The following SIL1 variants were observed in gnomAD, a reference collection of about 807,000 sequenced individuals.
SIL1 encodes nucleotide exchange factor SIL1.
SIL1 carries 40 observed loss-of-function variants against 49.1 expected under a neutral mutation model. The ratio of observed to expected loss-of-function variants is 0.81; its 90% CI spans 0.63 to 1.06. The LOEUF is 1.06. Among genes scored for constraint, SIL1 ranks in the 50% least tolerant of loss-of-function variants. SIL1 has a pLI of 0.00. For missense variants in SIL1, 500 were observed against 572.6 expected (o/e 0.87, Z 1.29); for synonymous variants, 253 against 250.8 (o/e 1.01, Z -0.08).
intron 3 of SIL1, among the ~76,000 whole-genome samples, chr5:139,060,612 T>C (rs557822767): frequency 1.7e-3 from 265 of 152,228 alleles, no homozygotes; most frequent in African/African-American, 6.2e-3. Context: ...CCTAGGACAT[T>C]TGAGAATTAT....
intron 7 of SIL1, among the ~76,000 whole-genome samples, chr5:138,979,712 G>A (rs1767474799): frequency 6.6e-6 from 1 of 152,184 alleles, no homozygotes; most frequent in Non-Finnish European, 1.5e-5. Flanking sequence ...AGGGCCAGAG[G>A]AGATGAGTGT....
intron 2 of SIL1, 132 bp downstream of exon 2, chr5:139,127,607 C>T: frequency 1.4e-6 from 1 of 726,212 alleles, no homozygotes; most frequent in South Asian, 1.5e-5. Context: ...ACTCCATGAT[C>T]CACTGCCAGC....
chr5:139,123,034 T>C (rs1369293538), intron 2 of SIL1, among the ~76,000 whole-genome samples: 1 of 152,206 alleles, frequency 6.6e-6, no homozygotes, highest in Non-Finnish European at 1.5e-5. Context: ...AGGTACTACA[T>C]TGTAAACCAC....
intron 3 of SIL1, among the ~76,000 whole-genome samples, chr5:139,080,919 T>C (rs1211680024): frequency 1.3e-5 from 2 of 152,230 alleles, no homozygotes; most frequent in African/African-American, 4.8e-5. Flanking sequence ...CCCATACCCA[T>C]AGAATTTAAA....
intron 3 of SIL1, among the ~76,000 whole-genome samples, chr5:139,091,689 T>G (rs1770345803): frequency 6.6e-6 from 1 of 152,128 alleles, no homozygotes; most frequent in Admixed American, 6.5e-5. Flanking sequence ...ATGTTGGCAA[T>G]AACCTGGATG....
intron 3 of SIL1, among the ~76,000 whole-genome samples, chr5:139,058,349 C>T (rs1769504769): frequency 6.6e-6 from 1 of 151,630 alleles, no homozygotes; most frequent in Non-Finnish European, 1.5e-5. Flanking sequence ...AAAAAAACAC[C>T]AAATTACCAA....
chr5:139,085,456 C>CT (rs1345573957), intron 3 of SIL1, among the ~76,000 whole-genome samples: 1 of 152,106 alleles, frequency 6.6e-6, no homozygotes, highest in African/African-American at 2.4e-5. Flanking sequence ...GCAAATACAC[C>CT]TGGCGTTGGG....
In SIL1 at chr5:139,005,239, C is replaced by T. The variant is rs200935583; in HGVS notation, c.767+15932G>A. 5.3e-5 allele frequency among the ~76,000 whole-genome samples: 7 copies of T among 132,090 alleles called. No individual in the cohort carries two copies. The East Asian group carries it at 1.4e-3, about 26-fold the overall frequency. 86.7% of individuals were successfully genotyped at this position (132,090 alleles called of 152,430 possible). A position where few individuals can be genotyped will look rare whatever the true frequency, so the allele number is the denominator to read the frequency against. On this transcript the variant is annotated intron_variant, in intron 7 of 9. Coordinates refer to ENST00000394817, the MANE Select transcript of SIL1 (RefSeq NM_022464.5). ...ACAAAATAAATACATATAATTTTAT[C>T]TGCCAAGTAAAAAAAAATTTTTTTT...
At chr5:139,117,258 T>C (rs188698199) in intron 3 of SIL1, among the ~76,000 whole-genome samples, 1 of 152,342 alleles carries the variant, frequency 6.6e-6, no homozygotes, top group East Asian at 1.9e-4. Flanking sequence ...GCACAGTGGT[T>C]AGGAGCTGGG....
chr5:139,050,945 C>T lies in SIL1; in HGVS notation c.346G>A (p.Gly116Ser), dbSNP rs777868755. The T allele has an allele frequency of 1.9e-6, 3 of 1,613,904 alleles. No homozygotes were observed. In the South Asian group the frequency reaches 3.3e-5, roughly 18 times the overall value. Residue 116 changes from glycine to serine, a missense_variant, in exon 4 of 10, where the codon GGC becomes AGC. Physicochemically the swap from Gly to Ser is moderately conservative, Grantham distance 56. Transcript: ENST00000394817. ...YEDKFRNNLK[G>S]KRLDINTNTY... ...CTAGGGTTGACACTGTACCTTTTGC[C>T]TTTCAAATTATTTCGGAACTTGTCC...
intron 7 of SIL1, among the ~76,000 whole-genome samples, chr5:138,955,750 A>C: frequency 6.6e-6 from 1 of 152,250 alleles, no homozygotes; most frequent in East Asian, 1.9e-4. Flanking sequence ...AGAAATTTCA[A>C]GACAGTGAGA....
chr5:139,045,146 C>T (rs28663609), intron 4 of SIL1, among the ~76,000 whole-genome samples: 15,660 of 151,964 alleles, frequency 0.1, 1,886 homozygotes, highest in African/African-American at 0.3. Context: ...TGCTTGAGCC[C>T]AGGAGTTCAA....
chr5:139,087,572 T>C (rs1026645027), intron 3 of SIL1, among the ~76,000 whole-genome samples: 4 of 151,986 alleles, frequency 2.6e-5, no homozygotes, highest in Admixed American at 6.6e-5. Context: ...TGACTGCTGA[T>C]GGGCTACAGT....
intron 1 of SIL1, chr5:139,137,428 G>A: frequency 1.5e-6 from 1 of 672,552 alleles, no homozygotes; most frequent in Non-Finnish European, 2.7e-6. Flanking sequence ...TCTCTCGAGG[G>A]GTCTGTGAAA....
At chr5:138,993,221 C>T (rs1198377118) in intron 7 of SIL1, among the ~76,000 whole-genome samples, 1 of 152,130 alleles carries the variant, frequency 6.6e-6, no homozygotes, top group African/African-American at 2.4e-5. Context: ...GTCGCTCCTT[C>T]CACCCTGCTC....
intron 3 of SIL1, among the ~76,000 whole-genome samples, chr5:139,054,764 A>C (rs1293766751): frequency 1.3e-5 from 2 of 152,196 alleles, no homozygotes; most frequent in Non-Finnish European, 2.9e-5. Flanking sequence ...AAATTCCAAA[A>C]TTACTCCCTT....
intron 1 of SIL1, among the ~76,000 whole-genome samples, chr5:139,172,372 G>A (rs1751788996): frequency 6.6e-6 from 1 of 152,200 alleles, no homozygotes; most frequent in Non-Finnish European, 1.5e-5. Flanking sequence ...GATGGCTGAT[G>A]CCTGGAATCC....
At chr5:139,189,716 G>A (rs1752134466) in intron 1 of SIL1, among the ~76,000 whole-genome samples, 1 of 152,168 alleles carries the variant, frequency 6.6e-6, no homozygotes, top group South Asian at 2.1e-4. Context: ...AGCTACTCAG[G>A]AAGCTGAGGC....
chr5:139,045,674 T>G (rs1769142294), intron 4 of SIL1, among the ~76,000 whole-genome samples: 1 of 152,202 alleles, frequency 6.6e-6, no homozygotes, highest in African/African-American at 2.4e-5. Context: ...ACTTATTGAA[T>G]CTAAAACATG....
Sources: allele counts gnomAD v4.1 joint callset (sites outside exome capture counted in the v4.1 genomes callset), GRCh38; gene constraint gnomAD v4.1.1; transcripts MANE v1.5; gene names NCBI Gene and HGNC (gene_info 2026-07-23, HGNC 2026-07-21).